Variants in ANK3 observed in about 807,000 individuals in gnomAD.
ANK3 encodes the protein ankyrin-3.
ANK3 carries 57 observed loss-of-function variants against 370.9 expected under a neutral mutation model. The observed-to-expected ratio is 0.15, with a 90% CI of 0.12 to 0.19. ANK3 has a LOEUF of 0.19. ANK3 is among the 10% of genes least tolerant of loss of function. The pLI is 1.00. For synonymous variants in ANK3, 1,929 were observed against 1,946.3 expected, an observed-to-expected ratio of 0.99 and a Z score of 0.23; for missense variants, 4,439 against 5,302.1, an observed-to-expected ratio of 0.84 and a Z score of 5.06.
At chr10:60,048,145 C>G (rs761467851) in intron 42 of ANK3, among the ~76,000 whole-genome samples, 9 of 152,214 alleles carry the variant, frequency 5.9e-5, no homozygotes, top group Non-Finnish European at 1.2e-4. Context: ...ACTGCTTCCT[C>G]TGGGAGATAC....
In ANK3 at chr10:60,213,508, A is replaced by G. The variant is rs2096887897; in HGVS notation, c.900T>C (p.Asp300=). ...CTCCACAGTGCAGTGGTGTCAGACC[A>G]TCCTGTTGAACAAAGGAAACATCAC... is the stretch of plus-strand genomic sequence containing the variant. ...RGAKIDAKTR[D]GLTPLHCGAR... The change falls in exon 9 of 44, where the codon GAT becomes GAC. Residue 300 remains aspartate (D), a splice_region_variant and synonymous_variant. Coordinates refer to ENST00000280772, the MANE Select transcript of ANK3 (RefSeq NM_020987.5). 2 of 1,593,126 alleles carry G rather than the reference A, an allele frequency of 1.3e-6. No individual in the cohort carries two copies. Among genetic ancestry groups the G allele is most frequent in the Non-Finnish European group, 1.7e-6 (2 of 1,166,462 alleles).
chr10:60,459,131 A>T (rs961919243), intron 2 of ANK3, among the ~76,000 whole-genome samples: 2 of 152,176 alleles, frequency 1.3e-5, no homozygotes, highest in Non-Finnish European at 2.9e-5. Flanking sequence ...GCTTACGAGG[A>T]ACAAATATAT....
chr10:60,159,771 G>A (rs2095446411), intron 23 of ANK3, among the ~76,000 whole-genome samples: 1 of 152,000 alleles, frequency 6.6e-6, no homozygotes, highest in Non-Finnish European at 1.5e-5. Context: ...AGAAACCTTG[G>A]AAACTATGCA....
At chr10:60,079,360 C>T (rs2084640268) in intron 36 of ANK3, among the ~76,000 whole-genome samples, 1 of 152,148 alleles carries the variant, frequency 6.6e-6, no homozygotes, top group Non-Finnish European at 1.5e-5. Flanking sequence ...TTTCATTTCT[C>T]TTATATTCTC....
intron 33 of ANK3, 132 bp downstream of exon 33, chr10:60,083,360 C>A: frequency 7.3e-6 from 7 of 958,516 alleles, no homozygotes; most frequent in Non-Finnish European, 6.1e-6. Flanking sequence ...AGAACCAGAA[C>A]AAAATCTGAC....
Position 60,454,219 on chromosome 10 carries a change from CT to C in ANK3, c.96+160966del, listed in dbSNP as rs138342562. Among the ~76,000 whole-genome samples the C allele has an allele frequency of 9.7e-3, 1,474 of 152,286 alleles. 26 individuals are homozygous for C. The highest frequency in any genetic ancestry group is 0.033 in the African/African-American group (1,360 of 41,566). On this transcript the variant is annotated intron_variant, in intron 2 of 43. Coordinates refer to the ANK3 transcript ENST00000373827. ...ACTTGGAGTAGAAACTTCTCAAGAACTGTGTCTTTTGATAACGTCGTTCTGT... is the reference window on the plus strand; with the variant it reads ...ACTTGGAGTAGAAACTTCTCAAGAACGTGTCTTTTGATAACGTCGTTCTGT...
At chr10:60,436,285 C>G (rs1442413033) in intron 2 of ANK3, among the ~76,000 whole-genome samples, 2 of 152,118 alleles carry the variant, frequency 1.3e-5, no homozygotes, top group African/African-American at 2.4e-5. Flanking sequence ...CATTTGTGTT[C>G]AAGCTTTTGT....
At chr10:60,427,479 C>G (rs2063913944) in intron 2 of ANK3, among the ~76,000 whole-genome samples, 1 of 151,450 alleles carries the variant, frequency 6.6e-6, no homozygotes. Context: ...CTTTTAAAAG[C>G]ACTTTTGCCT....
intron 1 of ANK3, among the ~76,000 whole-genome samples, chr10:60,324,991 T>C (rs1233811122): frequency 1.3e-5 from 2 of 152,198 alleles, no homozygotes; most frequent in African/African-American, 2.4e-5. Flanking sequence ...CTAAAATTAT[T>C]TGATTTCCTT....
At chr10:60,215,553 G>C (rs1392257022) in intron 8 of ANK3, among the ~76,000 whole-genome samples, 3 of 152,078 alleles carry the variant, frequency 2.0e-5, no homozygotes, top group African/African-American at 7.2e-5. Flanking sequence ...TAAGGAAGGG[G>C]TCCAATTTCA....
rs142415903 is a variant in ANK3 at position 60,181,410 on chromosome 10, G to C, written c.2103C>G (p.Leu701=). Residue 701 remains leucine, a synonymous_variant, in exon 18 of 44, where the codon CTC becomes CTG. Coordinates refer to ENST00000280772, the MANE Select transcript of ANK3 (RefSeq NM_020987.5). ...NLSNKSGLTP[L]HLAAQEDRVN... ...CTCGATCTTCTTGAGCAGCCAAATGGAGTGGGGTCAGGCCGCTCTGCAAAA... is the reference window on the plus strand; with the variant it reads ...CTCGATCTTCTTGAGCAGCCAAATGCAGTGGGGTCAGGCCGCTCTGCAAAA... 37 of 1,614,050 alleles carry C rather than the reference G, an allele frequency of 2.3e-5. No individual in the cohort carries two copies. Among genetic ancestry groups the C allele is most frequent in the Non-Finnish European group, 2.7e-5 (32 of 1,180,018 alleles).
At position 60,070,000 on chromosome 10, in the gene ANK3, C is replaced by G. The variant is rs2082403457; in HGVS notation, c.10881G>C (p.Glu3627Asp). 1 of 1,614,108 alleles carries G rather than the reference C, an allele frequency of 6.2e-7. No homozygotes were observed. The highest frequency in any genetic ancestry group is 1.1e-5 in the South Asian group (1 of 91,078). ...CACCAATCTGGAAAAATTGGAGCCT[C>G]TCTTCAACAAAATCCCTCTTGCTCA... ...IDMSKRDFVE[E>D]RLQFFQIGEH... The change falls in exon 37 of 44, where the codon GAG becomes GAC. Residue 3627 changes from glutamate (E) to aspartate (D), a missense_variant. Physicochemically the swap from Glu to Asp is conservative, Grantham distance 45 (BLOSUM62 2). This residue lies in a region of ANK3 where 496 missense variants were observed against 529.3 expected (regional missense o/e 0.94). Transcript: ENST00000280772.
intron 1 of ANK3, among the ~76,000 whole-genome samples, chr10:60,654,923 T>C (rs2078842783): frequency 6.6e-6 from 1 of 152,172 alleles, no homozygotes; most frequent in Non-Finnish European, 1.5e-5. Context: ...ACATATATGA[T>C]GATGATTCCG....
At chr10:60,393,848 C>T (rs1054283505), upstream of ANK3, among the ~76,000 whole-genome samples, 2 of 151,676 alleles carry the variant, frequency 1.3e-5, no homozygotes, top group African/African-American at 4.8e-5. Context: ...AAGAGCTGTG[C>T]ACATTTAAAA....
intron 30 of ANK3, 115 bp from the exon 31 acceptor site, chr10:60,085,368 C>T (rs1463382095): frequency 2.9e-5 from 20 of 685,754 alleles, no homozygotes; most frequent in Middle Eastern, 2.5e-4. Context: ...ACTTCAACAC[C>T]TTCAGTTTAA....
At chr10:60,230,893 A>T (rs1321675678) in intron 8 of ANK3, among the ~76,000 whole-genome samples, 1 of 11,070 alleles carries the variant, frequency 9.0e-5, no homozygotes, top group Non-Finnish European at 2.4e-4. Context: ...ACTCCATCTT[A>T]AAAAAAAAAA....
intron 11 of ANK3, among the ~76,000 whole-genome samples, chr10:60,204,102 C>G (rs570070369): frequency 1.3e-5 from 2 of 152,092 alleles, no homozygotes; most frequent in Non-Finnish European, 2.9e-5. Context: ...GAATTCTATA[C>G]AATCAAAGTG....
intron 1 of ANK3, among the ~76,000 whole-genome samples, chr10:60,667,961 A>T (rs1356211521): frequency 6.7e-6 from 1 of 150,352 alleles, no homozygotes; most frequent in East Asian, 1.9e-4. Context: ...ATTGCTGGGA[A>T]CCATCCCTCA....
chr10:60,468,649 C>T (rs1405186139), intron 2 of ANK3, among the ~76,000 whole-genome samples: 1 of 151,872 alleles, frequency 6.6e-6, no homozygotes, highest in Non-Finnish European at 1.5e-5. Flanking sequence ...CCAGCTCTGT[C>T]ATTTACTAGA....
Sources: allele counts gnomAD v4.1 joint callset (sites outside exome capture counted in the v4.1 genomes callset), GRCh38; gene constraint gnomAD v4.1.1; regional missense constraint gnomAD v4.1.1; transcripts MANE v1.5; gene names NCBI Gene and HGNC (gene_info 2026-07-23, HGNC 2026-07-21).